The following GRM7 variants were observed in gnomAD, a reference collection of about 807,000 sequenced individuals.
The protein encoded by GRM7 is glutamate metabotropic receptor 7.
A neutral mutation model predicts 84.5 loss-of-function variants in GRM7; 35 were observed. That is an observed-to-expected ratio of 0.41 (90% confidence interval 0.32 to 0.55). GRM7 has a LOEUF of 0.55. Ranked by LOEUF, GRM7 falls within the 20% of genes least tolerant of loss-of-function variation. The pLI, the probability that GRM7 is intolerant of heterozygous loss-of-function variation, is 0.19. For missense variants in GRM7, 1,003 were observed against 1,194.6 expected (o/e 0.84, Z 2.36); for synonymous variants, 487 against 455.1 (o/e 1.07, Z -0.89).
intron 6 of GRM7, among the ~76,000 whole-genome samples, chr3:7,455,490 A>T (rs530089020): frequency 2.0e-4 from 30 of 152,274 alleles, no homozygotes; most frequent in African/African-American, 6.7e-4. Context: ...ACTCATGAAC[A>T]TTGTGTGCCT....
At chr3:7,502,028 C>G (rs1215527097) in intron 7 of GRM7, among the ~76,000 whole-genome samples, 2 of 152,176 alleles carry the variant, frequency 1.3e-5, no homozygotes, top group Admixed American at 6.6e-5. Context: ...GCTTTGGACT[C>G]AATCAAAACT....
intron 2 of GRM7, among the ~76,000 whole-genome samples, chr3:7,280,163 C>A (rs140364746): frequency 1.3e-5 from 2 of 152,092 alleles, no homozygotes; most frequent in African/African-American, 4.8e-5. Context: ...AGGCCTTACC[C>A]CTTCTTTATT....
At chr3:7,561,423 G>A (rs182225154) in intron 7 of GRM7, 1 of 446,808 alleles carries the variant, frequency 2.2e-6, no homozygotes, top group Admixed American at 2.4e-5. Context: ...TACAGTGCAT[G>A]GAACACAGAA....
chr3:7,224,512 A>G (rs912544951), intron 2 of GRM7, among the ~76,000 whole-genome samples: 7 of 152,182 alleles, frequency 4.6e-5, no homozygotes, highest in Non-Finnish European at 1.0e-4. Context: ...ATAGAACACA[A>G]TTCCACAGTC....
intron 9 of GRM7, among the ~76,000 whole-genome samples, chr3:7,701,641 T>C (rs1200401167): frequency 1.3e-5 from 2 of 152,100 alleles, no homozygotes; most frequent in East Asian, 3.9e-4. Context: ...TCAGTAAGAA[T>C]TGAAGGAGGG....
chr3:7,242,937 T>C (rs1370395284), intron 2 of GRM7, among the ~76,000 whole-genome samples: 2 of 152,118 alleles, frequency 1.3e-5, no homozygotes, highest in Non-Finnish European at 2.9e-5. Context: ...TAAAATAGTG[T>C]AGATTAAAAA....
intron 7 of GRM7, among the ~76,000 whole-genome samples, chr3:7,504,609 G>C (rs781574229): frequency 3.9e-5 from 6 of 152,108 alleles, no homozygotes; most frequent in African/African-American, 1.4e-4. Context: ...GATAAGAAAA[G>C]GCAAGAGCAA....
chr3:7,464,843 A>C (rs938881486), intron 7 of GRM7, among the ~76,000 whole-genome samples: 9 of 151,386 alleles, frequency 5.9e-5, no homozygotes, highest in Non-Finnish European at 8.8e-5. Flanking sequence ...AAAAAAAAAA[A>C]AAATTAACTG....
chr3:7,183,363 A>G (rs1695407835), intron 2 of GRM7, among the ~76,000 whole-genome samples: 1 of 152,214 alleles, frequency 6.6e-6, no homozygotes, highest in African/African-American at 2.4e-5. Context: ...GTGGTGGCTC[A>G]CGCCTGTAAT....
chr3:7,027,014 A>T (rs1173189032), intron 1 of GRM7, among the ~76,000 whole-genome samples: 1 of 152,206 alleles, frequency 6.6e-6, no homozygotes, highest in African/African-American at 2.4e-5. Flanking sequence ...TTGCCCTAAA[A>T]TGCCCTCCCC....
At chr3:7,717,584 A>C (rs577653948) in intron 9 of GRM7, among the ~76,000 whole-genome samples, 2 of 152,326 alleles carry the variant, frequency 1.3e-5, no homozygotes, top group East Asian at 3.9e-4. Flanking sequence ...ATTCAAATAC[A>C]AAGTGGCCAA....
Position 7,344,412 on chromosome 3 carries a change from A to G in GRM7, c.1033+37760A>G, listed in dbSNP as rs555747012. Among the ~76,000 whole-genome samples, 23 of 152,284 alleles carry G rather than the reference A, an allele frequency of 1.5e-4. 1 individual carries two copies. The highest frequency in any genetic ancestry group is 3.2e-4 in the Non-Finnish European group (22 of 68,024). The stretch of plus-strand genomic sequence containing the variant: ...CTCCAGTTCCATCCACGTCCCAGCA[A>G]AGGACATGATCTCGTTCTTTTTATG... On this transcript the variant is annotated intron_variant, in intron 4 of 9. Coordinates refer to ENST00000357716, the MANE Select transcript of GRM7 (RefSeq NM_000844.4).
chr3:7,469,610 G>C (rs148161547), intron 7 of GRM7, among the ~76,000 whole-genome samples: 249 of 152,176 alleles, frequency 1.6e-3, no homozygotes, highest in Admixed American at 2.0e-3. Context: ...ATTACAGGAA[G>C]CATCAAAACA....
At chr3:7,376,586 T>C (rs748364002) in intron 4 of GRM7, among the ~76,000 whole-genome samples, 3 of 152,170 alleles carry the variant, frequency 2.0e-5, no homozygotes, top group Admixed American at 1.3e-4. Flanking sequence ...AATTTTGCAA[T>C]GTGCAGCTCT....
At chr3:7,701,902 G>A (rs1487463821) in intron 9 of GRM7, among the ~76,000 whole-genome samples, 6 of 152,036 alleles carry the variant, frequency 3.9e-5, no homozygotes, top group South Asian at 4.2e-4. Flanking sequence ...TTGCATCTTC[G>A]TCACCAAGCC....
intron 2 of GRM7, among the ~76,000 whole-genome samples, chr3:7,247,958 C>T (rs1329564705): frequency 6.6e-6 from 1 of 152,056 alleles, no homozygotes; most frequent in Non-Finnish European, 1.5e-5. Context: ...ACAGAAGCAA[C>T]AATAACAAGA....
At chr3:7,411,952 C>T (rs1048758388) in intron 4 of GRM7, among the ~76,000 whole-genome samples, 2 of 151,890 alleles carry the variant, frequency 1.3e-5, no homozygotes, top group Non-Finnish European at 1.5e-5. Context: ...ATCAATGCCT[C>T]TCTCTTCTCT....
In GRM7 at chr3:6,990,237, C is replaced by T. The variant is rs115130115; in HGVS notation, c.519+128330C>T. On this transcript the variant is annotated intron_variant, in intron 1 of 9. Coordinates refer to ENST00000357716, the MANE Select transcript of GRM7 (RefSeq NM_000844.4). ...CCCAAATCTTGGAAAGATGTTGGTC[C>T]CCCAGCCTTGTATTTTAGTCTGTTG... Among the ~76,000 whole-genome samples the T allele has an allele frequency of 6.3e-3, 960 of 152,238 alleles. 9 individuals carry two copies. The highest frequency in any genetic ancestry group is 0.021 in the African/African-American group (872 of 41,522).
At position 7,531,888 on chromosome 3, in the gene GRM7, C is replaced by G. The variant is rs926902152; in HGVS notation, c.1516-46534C>G. On this transcript the variant is annotated intron_variant, in intron 7 of 9. Coordinates refer to ENST00000357716, the MANE Select transcript of GRM7 (RefSeq NM_000844.4). ...GGCATCCTTGTCTTGTGCTGATTTT[C>G]AAAGGGAACGCTTCCACCTTTTACC... Among the ~76,000 whole-genome samples, 4 of 152,134 alleles carry G rather than the reference C, an allele frequency of 2.6e-5. No homozygotes were observed. The South Asian group carries it at 8.3e-4, about 32-fold the overall frequency.
Sources: allele counts gnomAD v4.1 joint callset (sites outside exome capture counted in the v4.1 genomes callset), GRCh38; gene constraint gnomAD v4.1.1; transcripts MANE v1.5; gene names NCBI Gene and HGNC (gene_info 2026-07-23, HGNC 2026-07-21).